Variants in NDUFAF6 observed in about 807,000 individuals in gnomAD.
The protein encoded by NDUFAF6 is NADH:ubiquinone oxidoreductase complex assembly factor 6.
In NDUFAF6, 45 loss-of-function variants were observed where a neutral mutation model predicts 40.8. The ratio of observed to expected loss-of-function variants is 1.10; its 90% CI spans 0.87 to 1.42. The LOEUF (loss-of-function observed/expected upper bound fraction) is 1.42. Among genes scored for constraint, NDUFAF6 ranks in the 40% most tolerant of loss-of-function variants. The pLI is 0.00. For missense variants in NDUFAF6, 435 were observed against 418.5 expected (o/e 1.04, Z -0.34); for synonymous variants, 185 against 155.9 (o/e 1.19, Z -1.39).
upstream of NDUFAF6, among the ~76,000 whole-genome samples, chr8:94,953,768 C>T (rs1459920984): frequency 6.6e-6 from 1 of 152,002 alleles, no homozygotes; most frequent in Non-Finnish European, 1.5e-5. Context: ...CACACACTGC[C>T]TAAATAATCT....
At chr8:95,092,759 T>G (rs1239717681) in intron 2 of NDUFAF6, among the ~76,000 whole-genome samples, 1 of 152,076 alleles carries the variant, frequency 6.6e-6, no homozygotes, top group African/African-American at 2.4e-5. Context: ...TAATTTTTTG[T>G]ATTTTTAGTA....
downstream of NDUFAF6, among the ~76,000 whole-genome samples, chr8:95,060,138 T>C (rs902017916): frequency 6.6e-6 from 1 of 152,206 alleles, no homozygotes; most frequent in African/African-American, 2.4e-5. Flanking sequence ...TTAAATTTGA[T>C]GCTTACAGAT....
chr8:95,047,503 CTTTTCTTTTTTT>C (rs1266832627), intron 6 of NDUFAF6, among the ~76,000 whole-genome samples: 2 of 140,122 alleles, frequency 1.4e-5, no homozygotes, highest in Admixed American at 1.4e-4. Context: ...GTTTTCTTTT[CTTTTCTTTTTTT>C]TTTTTTTTTT....
intron 1 of NDUFAF6, chr8:94,928,987 A>G (rs1260507849): frequency 1.3e-5 from 2 of 152,656 alleles, no homozygotes; most frequent in Non-Finnish European, 2.9e-5. Context: ...TTTACTTCAG[A>G]GGAAATCAGT....
intron 7 of NDUFAF6, 72 bp downstream of exon 7, chr8:95,048,630 G>A: frequency 9.5e-7 from 1 of 1,051,358 alleles, no homozygotes; most frequent in Non-Finnish European, 1.5e-6. Context: ...TTAGAACATG[G>A]TTATGATATT....
chr8:94,897,212 G>A (rs1817683919), intron 1 of NDUFAF6, among the ~76,000 whole-genome samples: 1 of 152,174 alleles, frequency 6.6e-6, no homozygotes, highest in African/African-American at 2.4e-5. Flanking sequence ...AATGATGAAT[G>A]TATGCTCAGT....
At chr8:94,924,484 A>G (rs930218359) in intron 1 of NDUFAF6, among the ~76,000 whole-genome samples, 2 of 152,240 alleles carry the variant, frequency 1.3e-5, no homozygotes, top group Non-Finnish European at 2.9e-5. Flanking sequence ...CAGTGTTTCA[A>G]TGAATAACCT....
intron 2 of NDUFAF6, among the ~76,000 whole-genome samples, chr8:94,987,897 T>C (rs893186316): frequency 1.6e-4 from 25 of 152,252 alleles, no homozygotes; most frequent in African/African-American, 6.0e-4. Flanking sequence ...TATTCAACTT[T>C]ATTATCCTTA....
At chr8:94,945,258 G>T (rs1438474506) in intron 1 of NDUFAF6, among the ~76,000 whole-genome samples, 1 of 152,092 alleles carries the variant, frequency 6.6e-6, no homozygotes, top group Non-Finnish European at 1.5e-5. Flanking sequence ...TATCTGAATT[G>T]AGATGTGCTG....
chr8:95,101,115 C>T (rs763092788), intron 1 of NDUFAF6: 1 of 152,120 alleles, frequency 6.6e-6, no homozygotes, highest in Non-Finnish European at 1.5e-5. Context: ...GCCTGCAATA[C>T]ATTGTGTTCT....
chr8:94,948,876 G>T (rs1822269846), intron 2 of NDUFAF6, among the ~76,000 whole-genome samples: 1 of 151,902 alleles, frequency 6.6e-6, no homozygotes, highest in East Asian at 1.9e-4. Flanking sequence ...CCAGCGCCGG[G>T]GCCAGGCCGG....
chr8:95,041,533 T>C, intron 3 of NDUFAF6, 37 bp from the exon 4 acceptor site: 1 of 1,417,032 alleles, frequency 7.1e-7, no homozygotes, highest in Non-Finnish European at 9.9e-7. Context: ...TCATTTCTAG[T>C]ACTTTCTAAA....
chr8:95,043,348 C>T (rs748087686), intron 4 of NDUFAF6, among the ~76,000 whole-genome samples: 18 of 151,760 alleles, frequency 1.2e-4, no homozygotes, highest in East Asian at 3.9e-4. Flanking sequence ...CTCAGCCTCC[C>T]GAAGTGCTGG....
downstream of NDUFAF6, among the ~76,000 whole-genome samples, chr8:95,060,346 T>C (rs1309642668): frequency 6.6e-6 from 1 of 152,250 alleles, no homozygotes; most frequent in African/African-American, 2.4e-5. Flanking sequence ...TTAGATGTGC[T>C]TTGTTGTTGA....
chr8:94,982,151 G>T (rs907778340), intron 2 of NDUFAF6, among the ~76,000 whole-genome samples: 2 of 151,830 alleles, frequency 1.3e-5, no homozygotes, highest in Admixed American at 6.6e-5. Flanking sequence ...AGAATGGCGT[G>T]AACCCAGGAG....
intron 1 of NDUFAF6, among the ~76,000 whole-genome samples, chr8:94,904,736 C>T (rs1394491157): frequency 4.6e-5 from 7 of 151,910 alleles, no homozygotes; most frequent in Non-Finnish European, 1.0e-4. Context: ...TTTCCTAAAG[C>T]AGTTTTTAAT....
intron 2 of NDUFAF6, among the ~76,000 whole-genome samples, chr8:95,010,365 G>A (rs112904682): frequency 0.027 from 4,097 of 152,262 alleles, 68 homozygotes; most frequent in Non-Finnish European, 0.038. Context: ...GGGATTACAG[G>A]TGTGAGCCAC....
chr8:94,909,607 A>C (rs983362388), intron 1 of NDUFAF6, among the ~76,000 whole-genome samples: 6 of 151,722 alleles, frequency 4.0e-5, no homozygotes, highest in Non-Finnish European at 8.8e-5. Flanking sequence ...GCCTGGCGAC[A>C]GAGTGAGACT....
chr8:95,115,435 A>T (rs2132091376), intron 4 of NDUFAF6: 1 of 152,216 alleles, frequency 6.6e-6, no homozygotes, highest in Non-Finnish European at 1.5e-5. Context: ...TAGCTGTTTA[A>T]ATGTGGTGAG....
Sources: gnomAD v4.1 joint callset for allele counts (sites outside exome capture counted in the v4.1 genomes callset) on GRCh38, gnomAD v4.1.1 for gene constraint, MANE v1.5 for transcripts, NCBI Gene and HGNC (gene_info 2026-07-23, HGNC 2026-07-21) for gene names.